MDM2: variants seen among roughly 807,000 people sequenced by gnomAD.
MDM2 encodes the protein E3 ubiquitin-protein ligase Mdm2.
Under a neutral mutation model 64.3 loss-of-function variants are expected in MDM2, and 11 were observed. The observed-to-expected ratio is 0.17, with a 90% confidence interval of 0.11 to 0.28. The LOEUF (loss-of-function observed/expected upper bound fraction) is 0.28. Among genes scored for constraint, MDM2 ranks in the 10% least tolerant of loss-of-function variants. The probability of loss-of-function intolerance (pLI) is 1.00; values close to 1 mark genes in which losing one functional copy is unlikely to be tolerated. For synonymous variants in MDM2, 194 were observed against 192.9 expected, an observed-to-expected ratio of 1.01 and a Z score of -0.05; for missense variants, 388 against 577.1, an observed-to-expected ratio of 0.67 and a Z score of 3.36.
Position 68,841,258 on chromosome 12 carries a change from T to C in MDM2, c.*1409T>C, listed in dbSNP as rs1883745569. On this transcript the variant is annotated 3_prime_UTR_variant, in exon 11 of 11. Transcript: ENST00000258149. ...GTGCTATGTAAATGAAAATGTTTTT[T>C]AGGTTTTCTTGATTTAACAATAGAG... 5.1e-6 allele frequency: 1 copy of C among 196,212 alleles called. No homozygotes were observed. The highest frequency in any genetic ancestry group is 6.1e-5 in the Admixed American group (1 of 16,438). 12.2% of individuals were successfully genotyped at this position (196,212 alleles called of 1,614,324 possible).
In MDM2 at chr12:68,841,957, C is replaced by T; in HGVS notation, c.*2108C>T. On this transcript the variant is annotated 3_prime_UTR_variant, in exon 11 of 11. Coordinates refer to ENST00000258149, the MANE Select transcript of MDM2 (RefSeq NM_002392.6). ...TGTTAGTTTCTTTGGGACCCATCTA[C>T]CCTGACCACATCATGATGTTCATCT... 1 of 379,894 alleles carries T rather than the reference C, an allele frequency of 2.6e-6. No individual in the cohort carries two copies. The highest frequency in any genetic ancestry group is 2.7e-5 in the South Asian group (1 of 36,378). The allele number at this position is 379,894 out of a possible 1,614,324, so 23.5% of individuals were successfully genotyped here. A position where few individuals can be genotyped will look rare whatever the true frequency, so the allele number is the denominator to read the frequency against.
chr12:68,829,005 C>G, intron 8 of MDM2, 74 bp downstream of exon 8: 1 of 1,410,486 alleles, frequency 7.1e-7, no homozygotes. Context: ...AATAAGGATA[C>G]GGATAGAATG....
At chr12:68,836,578 A>T in intron 9 of MDM2, 94 bp from the exon 10 acceptor site, 1 of 846,360 alleles carries the variant, frequency 1.2e-6, no homozygotes, top group Non-Finnish European at 2.1e-6. Context: ...CATATATTGT[A>T]GTACATGATA....
rs557066154 is a variant in MDM2, at chr12:68,825,068, G to A, written c.523+417G>A. Reference sequence around the variant, plus strand: ...CTAAAAAAAATACAAAAAGTAGCTGGGCCTGGTGGCGCACACTTGTAATCC... The same window carrying A: ...CTAAAAAAAATACAAAAAGTAGCTGAGCCTGGTGGCGCACACTTGTAATCC... On this transcript the variant is annotated intron_variant, in intron 7 of 10. Transcript: ENST00000258149. 2.0e-5 allele frequency among the ~76,000 whole-genome samples: 3 copies of A among 151,920 alleles called. No individual in the cohort carries two copies. In the South Asian group the frequency reaches 6.3e-4, roughly 32 times the overall value.
At chr12:68,808,591 G>C in intron 1 of MDM2, 100 bp downstream of exon 1, 3 of 1,552,390 alleles carry the variant, frequency 1.9e-6, no homozygotes, top group South Asian at 1.1e-5. Flanking sequence ...GCCTTTGTGC[G>C]GTTCGTGGCT....
In MDM2 at chr12:68,840,283, T is replaced by C. The variant is rs1883654065; in HGVS notation, c.*434T>C. 1.1e-5 allele frequency: 2 copies of C among 179,570 alleles called. No individual in the cohort carries two copies. The highest frequency in any genetic ancestry group is 6.2e-5 in the Admixed American group (1 of 16,246). The allele number at this position is 179,570 out of a possible 1,614,324, so 11.1% of individuals were successfully genotyped here. A position where few individuals can be genotyped will look rare whatever the true frequency, so the allele number is the denominator to read the frequency against. ...CCTCAGCCTCCCAATTAGCTTGGCC[T>C]ACAGTCATCTGCCACCACACCTGGC... On this transcript the variant is annotated 3_prime_UTR_variant, in exon 11 of 11. Coordinates refer to ENST00000258149, the MANE Select transcript of MDM2 (RefSeq NM_002392.6).
chr12:68,846,018 A>C (rs1339304237), downstream of MDM2: 1 of 151,942 alleles, frequency 6.6e-6, no homozygotes, highest in African/African-American at 2.4e-5. Flanking sequence ...CAGTGGTGCA[A>C]TCTCGGCTCA....
At position 68,839,872 on chromosome 12, in the gene MDM2, A is replaced by G; in HGVS notation, c.*23A>G. On this transcript the variant is annotated 3_prime_UTR_variant, in exon 11 of 11. Coordinates refer to ENST00000258149, the MANE Select transcript of MDM2 (RefSeq NM_002392.6). ...TAGTTGACCTGTCTATAAGAGAATT[A>G]TATATTTCTAACTATATAACCCTAG... The G allele has an allele frequency of 6.3e-7, 1 of 1,599,786 alleles. No individual in the cohort carries two copies.
rs1883786692 is a variant in MDM2 at position 68,841,775 on chromosome 12, A to G, written c.*1926A>G. On this transcript the variant is annotated 3_prime_UTR_variant, in exon 11 of 11. Transcript: ENST00000258149. ...GAATTGTTATTTAAAAACTAACTGG[A>G]AAGATTGTTAAGTTCTTTCTGAATT... 4.9e-6 allele frequency: 1 copy of G among 205,156 alleles called. No individual in the cohort carries two copies. The highest frequency in any genetic ancestry group is 1.0e-5 in the Non-Finnish European group (1 of 100,428). 12.7% of individuals were successfully genotyped at this position (205,156 alleles called of 1,614,324 possible).
At chr12:68,810,089 A>G (rs1298754410) in intron 2 of MDM2, among the ~76,000 whole-genome samples, 1 of 152,158 alleles carries the variant, frequency 6.6e-6, no homozygotes, top group African/African-American at 2.4e-5. Flanking sequence ...AGGCGGACCG[A>G]TCACCTGAGA....
intron 1 of MDM2, chr12:68,808,974 C>G: frequency 7.1e-7 from 1 of 1,417,380 alleles, no homozygotes. Context: ...TAAGTCCTGA[C>G]TTGTCTCCAG....
At chr12:68,828,968 T>C in intron 8 of MDM2, 37 bp downstream of exon 8, 1 of 1,604,092 alleles carries the variant, frequency 6.2e-7, no homozygotes, top group Non-Finnish European at 8.5e-7. Flanking sequence ...AGACTCTTAC[T>C]GTTCAAAGTC....
At chr12:68,828,475 G>A (rs1254319361) in intron 7 of MDM2, 3 of 267,166 alleles carry the variant, frequency 1.1e-5, no homozygotes, top group African/African-American at 6.6e-5. Flanking sequence ...GGCTGAGGTT[G>A]AGGTGGGAGG....
At position 68,840,469 on chromosome 12, in the gene MDM2, T is replaced by C. The variant is rs1419765712; in HGVS notation, c.*620T>C. The C allele has an allele frequency of 1.1e-5, 2 of 185,914 alleles. No homozygotes were observed. Among genetic ancestry groups the C allele is most frequent in the Non-Finnish European group, 1.1e-5 (1 of 88,370 alleles). The allele number at this position is 185,914 out of a possible 1,614,324, so 11.5% of individuals were successfully genotyped here. ...TAAATGTCACTTAGTACCTTTGATA[T>C]AAAGAGAAAATGTGTGAAAGATTTA... On this transcript the variant is annotated 3_prime_UTR_variant, in exon 11 of 11. Coordinates refer to ENST00000258149, the MANE Select transcript of MDM2 (RefSeq NM_002392.6).
Position 68,808,384 on chromosome 12 carries a change from A to G in MDM2, c.-94A>G, listed in dbSNP as rs937283. 587,536 of 1,545,708 alleles carry G rather than the reference A, an allele frequency of 0.38. 115,332 individuals are homozygous for G. Among genetic ancestry groups the G allele is most frequent in the Non-Finnish European group, 0.41 (457,158 of 1,121,350 alleles). ...GTGCCCTGGCCCGGAGAGTGGAATG[A>G]TCCCCGAGGCCCAGGGCGTCGTGCT... is the stretch of plus-strand genomic sequence containing the variant. On this transcript the variant is annotated 5_prime_UTR_variant, in exon 1 of 11. Coordinates refer to ENST00000258149, the MANE Select transcript of MDM2 (RefSeq NM_002392.6).
In MDM2 at chr12:68,845,434, A is replaced by G. The variant is rs1884212435; in HGVS notation, c.*5585A>G. 2 of 208,804 alleles carry G rather than the reference A, an allele frequency of 9.6e-6. No individual in the cohort carries two copies. Among genetic ancestry groups the G allele is most frequent in the Non-Finnish European group, 1.9e-5 (2 of 102,774 alleles). 12.9% of individuals were successfully genotyped at this position (208,804 alleles called of 1,614,324 possible). A position where few individuals can be genotyped will look rare whatever the true frequency, so the allele number is the denominator to read the frequency against. Reference sequence around the variant, plus strand: ...CAAAATAAAACCGTAAAGCAAGCAGATGGGAGGCGTGTTCAGTAACTTATT... The same window carrying G: ...CAAAATAAAACCGTAAAGCAAGCAGGTGGGAGGCGTGTTCAGTAACTTATT... On this transcript the variant is annotated 3_prime_UTR_variant, in exon 11 of 11. Coordinates refer to ENST00000258149, the MANE Select transcript of MDM2 (RefSeq NM_002392.6).
At chr12:68,824,270 G>A (rs1364031418) in intron 5 of MDM2, 93 bp from the exon 6 acceptor site, 1 of 791,248 alleles carries the variant, frequency 1.3e-6, no homozygotes, top group East Asian at 2.6e-5. Context: ...AATTGCATAA[G>A]GGTTTGTGTT....
chr12:68,824,710 G>A (rs148010327), intron 7 of MDM2, 59 bp downstream of exon 7: 1 of 1,108,676 alleles, frequency 9.0e-7, no homozygotes, highest in Non-Finnish European at 1.3e-6. Flanking sequence ...TTTCTCTAAT[G>A]AAATTAGTGC....
intron 1 of MDM2, chr12:68,808,889 G>T (rs1383844505): frequency 2.2e-6 from 3 of 1,361,376 alleles, no homozygotes; most frequent in Non-Finnish European, 2.8e-6. Flanking sequence ...GGCCGGTTCA[G>T]TGGGCAGGTT....
Sources: allele counts gnomAD v4.1 joint callset (sites outside exome capture counted in the v4.1 genomes callset), GRCh38; gene constraint gnomAD v4.1.1; transcripts MANE v1.5; gene names NCBI Gene and HGNC (gene_info 2026-07-23, HGNC 2026-07-21).